Variants in CSF2RA observed in about 807,000 individuals in gnomAD.
CSF2RA encodes the protein colony stimulating factor 2 receptor subunit alpha.
Under a neutral mutation model 51.6 loss-of-function variants are expected in CSF2RA, and 42 were observed. That is an observed-to-expected ratio of 0.81 (90% CI 0.64 to 1.05). The LOEUF is 1.05. CSF2RA is among the 50% of genes least tolerant of loss of function. CSF2RA has a pLI of 0.00. For missense variants in CSF2RA, 530 were observed against 501.1 expected, an observed-to-expected ratio of 1.06 and a Z score of -0.55; for synonymous variants, 222 against 193.0, an observed-to-expected ratio of 1.15 and a Z score of -1.24.
In CSF2RA at chrX:1,309,401, G is replaced by C; in HGVS notation, c.1126-1G>C. The C allele has an allele frequency of 4.3e-6, 7 of 1,613,898 alleles. No homozygotes were observed. The highest frequency in any genetic ancestry group is 5.9e-6 in the Non-Finnish European group (7 of 1,179,828). On this transcript the variant is annotated splice_acceptor_variant, in intron 12 of 12. Coordinates refer to ENST00000381529, the MANE Select transcript of CSF2RA (RefSeq NM_172245.4). LOFTEE classifies it high-confidence loss of function. ...ACAGCCTGAACCCTCCTTTTTCTCA[G>C]ATCATCTGGGAGGAATTCACCCCAG...
intron 12 of CSF2RA, among the ~76,000 whole-genome samples, chrX:1,308,220 G>T (rs551156103): frequency 1.3e-5 from 2 of 152,268 alleles, no homozygotes; most frequent in Admixed American, 1.3e-4. Context: ...AATAACTGGG[G>T]ACTGTAGCCT....
At chrX:1,312,964 C>T (rs144958483), downstream of CSF2RA, among the ~76,000 whole-genome samples, 1,171 of 152,150 alleles carry the variant, frequency 7.7e-3, 7 homozygotes, top group Non-Finnish European at 0.013. Context: ...GAAGAAAAAG[C>T]GTGGAATCCT....
intron 11 of CSF2RA, among the ~76,000 whole-genome samples, chrX:1,304,508 G>A (rs1394847213): frequency 1.3e-5 from 2 of 151,528 alleles, no homozygotes; most frequent in Admixed American, 6.6e-5. Context: ...ACAGGGATGG[G>A]AATGGAACAG....
intron 10 of CSF2RA, among the ~76,000 whole-genome samples, chrX:1,301,922 T>A (rs2083002280): frequency 7.0e-6 from 1 of 143,602 alleles, no homozygotes; most frequent in Admixed American, 7.1e-5. Flanking sequence ...CTTTTTTTTT[T>A]TTTTTTTTTT....
intron 1 of CSF2RA, among the ~76,000 whole-genome samples, chrX:1,270,777 G>T (rs542357021): frequency 2.0e-5 from 3 of 151,138 alleles, no homozygotes; most frequent in African/African-American, 4.9e-5. Flanking sequence ...TAAGCTGGGC[G>T]TGGTGTAATC....
At chrX:1,288,713 C>T (rs1484118410) in intron 5 of CSF2RA, 46 bp from the exon 6 acceptor site, 17 of 1,613,768 alleles carry the variant, frequency 1.1e-5, no homozygotes, top group East Asian at 2.2e-5. Context: ...AAGTACATCC[C>T]GTTGAACTTC....
chrX:1,314,621 C>T (rs868603168), downstream of CSF2RA, among the ~76,000 whole-genome samples: 1 of 6,340 alleles, frequency 1.6e-4, no homozygotes, highest in African/African-American at 5.4e-4. Flanking sequence ...ACCTGCCCAA[C>T]CACACTGAAC....
chrX:1,288,498 T>C, intron 4 of CSF2RA, 21 bp from the exon 5 acceptor site: 1 of 1,613,926 alleles, frequency 6.2e-7, no homozygotes, highest in Non-Finnish European at 8.5e-7. Context: ...TAATCGGCTC[T>C]GTCTGGTTGC....
the CSF2RA span, among the ~76,000 whole-genome samples, chrX:1,321,030 CAT>C: frequency 6.6e-6 from 1 of 151,604 alleles, no homozygotes. Context: ...TCTTAGCAGA[CAT>C]GGGGTTTCAC....
chrX:1,311,249 CAA>C (rs752805587), downstream of CSF2RA, among the ~76,000 whole-genome samples: 325 of 140,984 alleles, frequency 2.3e-3, 3 homozygotes, highest in African/African-American at 7.3e-3. Flanking sequence ...ATTCTGTCTC[CAA>C]AAAAAAAAAA....
chrX:1,278,344 AG>A (rs1359558040), intron 2 of CSF2RA, among the ~76,000 whole-genome samples: 1 of 148,078 alleles, frequency 6.8e-6, no homozygotes, highest in African/African-American at 2.5e-5. Context: ...AAAAAACAAA[AG>A]ATTTCAGGGC....
At chrX:1,300,337 G>A (rs1203464681) in intron 9 of CSF2RA, 154 bp from the exon 10 acceptor site, 29 of 916,408 alleles carry the variant, frequency 3.2e-5, no homozygotes, top group Non-Finnish European at 3.9e-5. Context: ...TCGAAGACCC[G>A]ATCAGACCAA....
intron 2 of CSF2RA, among the ~76,000 whole-genome samples, chrX:1,280,868 C>CCTT (rs1405205173): frequency 1.0e-4 from 14 of 135,506 alleles, no homozygotes; most frequent in South Asian, 2.5e-4. Flanking sequence ...TCCTCCTCCT[C>CCTT]CTCCTTCTCC....
intron 4 of CSF2RA, among the ~76,000 whole-genome samples, chrX:1,286,658 T>G (rs1387259658): frequency 1.3e-5 from 2 of 152,056 alleles, no homozygotes; most frequent in Non-Finnish European, 2.9e-5. Flanking sequence ...TGGAGAAATG[T>G]CACAGCCATA....
At chrX:1,306,369 G>T (rs1383481990) in intron 12 of CSF2RA, among the ~76,000 whole-genome samples, 1 of 151,754 alleles carries the variant, frequency 6.6e-6, no homozygotes, top group South Asian at 2.1e-4. Flanking sequence ...GGCGGGGGCC[G>T]GTCGCGGTGA....
intron 4 of CSF2RA, among the ~76,000 whole-genome samples, chrX:1,286,701 C>G (rs1294594426): frequency 1.3e-5 from 2 of 152,204 alleles, no homozygotes; most frequent in Admixed American, 1.3e-4. Flanking sequence ...GCTGTTAGCT[C>G]ATGTCCACAA....
intron 6 of CSF2RA, 58 bp from the exon 7 acceptor site, chrX:1,290,271 TGTTTTGTG>T: frequency 7.6e-7 from 1 of 1,309,988 alleles, no homozygotes; most frequent in Non-Finnish European, 1.1e-6. Context: ...GTTTTTGTTT[TGTTTTGTG>T]TTTTTGTGTT....
At chrX:1,300,053 TA>T (rs1489286723) in intron 9 of CSF2RA, among the ~76,000 whole-genome samples, 1 of 148,064 alleles carries the variant, frequency 6.8e-6, no homozygotes, top group East Asian at 2.0e-4. Context: ...CCGTCTCCAC[TA>T]AAAATACAAC....
chrX:1,320,780 G>A, the CSF2RA span, among the ~76,000 whole-genome samples: 2 of 151,016 alleles, frequency 1.3e-5, no homozygotes, highest in African/African-American at 2.4e-5. Context: ...CAAAGTGCTG[G>A]GATTACAGGC....
Sources: gnomAD v4.1 joint callset for allele counts (sites outside exome capture counted in the v4.1 genomes callset) on GRCh38, gnomAD v4.1.1 for gene constraint, MANE v1.5 for transcripts, NCBI Gene and HGNC (gene_info 2026-07-23, HGNC 2026-07-21) for gene names.